PKNOX2: variants seen among roughly 807,000 people sequenced by gnomAD.
The protein encoded by PKNOX2 is PBX/knotted 1 homeobox 2.
In PKNOX2, 14 loss-of-function variants were observed where a neutral mutation model predicts 53.1. That is an observed-to-expected ratio of 0.26 (90% confidence interval 0.17 to 0.41). The LOEUF (loss-of-function observed/expected upper bound fraction) is 0.41. Ranked by LOEUF, PKNOX2 falls within the 10% of genes least tolerant of loss-of-function variation. The probability of loss-of-function intolerance (pLI) is 1.00; values close to 1 mark genes in which losing one functional copy is unlikely to be tolerated. For synonymous variants in PKNOX2, 257 were observed against 242.8 expected, an observed-to-expected ratio of 1.06 and a Z score of -0.54; for missense variants, 496 against 602.8, an observed-to-expected ratio of 0.82 and a Z score of 1.85.
At chr11:125,246,250 C>T (rs1052182029) in intron 2 of PKNOX2, among the ~76,000 whole-genome samples, 1 of 152,158 alleles carries the variant, frequency 6.6e-6, no homozygotes, top group Admixed American at 6.5e-5. Context: ...CATAACATGG[C>T]AGGAGGCATC....
chr11:125,369,441 T>C (rs1368270890), intron 5 of PKNOX2, among the ~76,000 whole-genome samples: 1 of 152,340 alleles, frequency 6.6e-6, no homozygotes, highest in Middle Eastern at 3.4e-3. Context: ...CCCTTCCCTC[T>C]TTACAGTCTC....
At chr11:125,171,911 A>G (rs1955350043) in intron 1 of PKNOX2, among the ~76,000 whole-genome samples, 1 of 152,226 alleles carries the variant, frequency 6.6e-6, no homozygotes, top group Admixed American at 6.5e-5. Context: ...CTGAGAGATG[A>G]TGGACAGAGA....
chr11:125,176,642 T>C (rs537681257), intron 1 of PKNOX2, among the ~76,000 whole-genome samples: 1 of 152,322 alleles, frequency 6.6e-6, no homozygotes, highest in South Asian at 2.1e-4. Flanking sequence ...TCTAGTCACC[T>C]TGGGCTGGCC....
At chr11:125,394,019 G>T (rs1300936810) in intron 6 of PKNOX2, among the ~76,000 whole-genome samples, 1 of 152,134 alleles carries the variant, frequency 6.6e-6, no homozygotes, top group African/African-American at 2.4e-5. Flanking sequence ...TTCTTCAAAT[G>T]CAAAATATGA....
intron 4 of PKNOX2, 135 bp downstream of exon 4, chr11:125,351,527 T>A: frequency 1.6e-6 from 1 of 632,674 alleles, no homozygotes; most frequent in Non-Finnish European, 2.8e-6. Context: ...CTGGTGGCAC[T>A]CCGGGCTCTT....
intron 2 of PKNOX2, among the ~76,000 whole-genome samples, chr11:125,273,398 C>T (rs754963217): frequency 1.3e-5 from 2 of 152,074 alleles, no homozygotes; most frequent in Admixed American, 6.6e-5. Flanking sequence ...GAAGGTGGAC[C>T]GAGGGGCAGG....
chr11:125,390,588 C>A, intron 6 of PKNOX2, among the ~76,000 whole-genome samples: 1 of 152,226 alleles, frequency 6.6e-6, no homozygotes, highest in African/African-American at 2.4e-5. Flanking sequence ...CCTAAAGCCC[C>A]GAGTGTCTTC....
rs943162507 is a variant in PKNOX2 at position 125,274,949 on chromosome 11, G to C, written c.-130+39834G>C. 3.9e-5 allele frequency among the ~76,000 whole-genome samples: 6 copies of C among 152,318 alleles called. No homozygotes were observed. In the East Asian group the frequency reaches 1.2e-3, roughly 29 times the overall value. ...AGAGATAAGTAAGACAGCACATCTA[G>C]CCATAAATCGCTTCCTTCAGGAAGG... On this transcript the variant is annotated intron_variant, in intron 2 of 12. Transcript: ENST00000298282.
chr11:125,222,818 T>C (rs1171129937), intron 1 of PKNOX2, among the ~76,000 whole-genome samples: 1 of 152,134 alleles, frequency 6.6e-6, no homozygotes, highest in African/African-American at 2.4e-5. Context: ...TGTATGTGTG[T>C]GTGTGTTGCA....
chr11:125,298,979 T>C (rs1052795381), intron 2 of PKNOX2, among the ~76,000 whole-genome samples: 3 of 152,050 alleles, frequency 2.0e-5, no homozygotes, highest in Non-Finnish European at 4.4e-5. Context: ...GGGTAATTTA[T>C]AAAGAAAGAG....
intron 2 of PKNOX2, among the ~76,000 whole-genome samples, chr11:125,329,361 T>C (rs1950013265): frequency 6.6e-6 from 1 of 152,260 alleles, no homozygotes; most frequent in African/African-American, 2.4e-5. Context: ...TTGTCTATTT[T>C]TTACAAGAAG....
At chr11:125,338,189 G>T (rs1950518457) in intron 3 of PKNOX2, among the ~76,000 whole-genome samples, 1 of 151,982 alleles carries the variant, frequency 6.6e-6, no homozygotes, top group Non-Finnish European at 1.5e-5. Context: ...TCACCTCCCT[G>T]TCTCCCTCTG....
intron 5 of PKNOX2, among the ~76,000 whole-genome samples, chr11:125,384,558 C>A (rs1953490550): frequency 6.6e-6 from 1 of 152,168 alleles, no homozygotes; most frequent in Non-Finnish European, 1.5e-5. Context: ...GTGGCGGAGG[C>A]CTGTAGTCCC....
chr11:125,192,194 A>G (rs928150550), intron 1 of PKNOX2, among the ~76,000 whole-genome samples: 1 of 151,974 alleles, frequency 6.6e-6, no homozygotes, highest in African/African-American at 2.4e-5. Flanking sequence ...GCTTTTTCTC[A>G]CCATAAACGT....
At chr11:125,221,103 C>A (rs943516321) in intron 1 of PKNOX2, among the ~76,000 whole-genome samples, 4 of 151,946 alleles carry the variant, frequency 2.6e-5, no homozygotes, top group Non-Finnish European at 4.4e-5. Context: ...TGCAGTGAGC[C>A]GAGATCGCGC....
At chr11:125,343,386 C>CT (rs71462895) in intron 3 of PKNOX2, among the ~76,000 whole-genome samples, 5,510 of 149,710 alleles carry the variant, frequency 0.037, 156 homozygotes, top group Middle Eastern at 0.08. Flanking sequence ...AGCCAGCATG[C>CT]TTTTTTTTTT....
At chr11:125,363,246 G>T (rs115524014) in intron 4 of PKNOX2, among the ~76,000 whole-genome samples, 2,525 of 152,332 alleles carry the variant, frequency 0.017, 70 homozygotes, top group African/African-American at 0.057. Context: ...CACGGGTGCA[G>T]GTGCTGGCAC....
At chr11:125,421,592 C>T (rs1232667677) in intron 10 of PKNOX2, among the ~76,000 whole-genome samples, 1 of 152,160 alleles carries the variant, frequency 6.6e-6, no homozygotes, top group Admixed American at 6.5e-5. Context: ...GAAATGCTAC[C>T]TATGATGAAT....
intron 2 of PKNOX2, among the ~76,000 whole-genome samples, chr11:125,291,196 T>C (rs746609157): frequency 2.0e-5 from 3 of 152,152 alleles, no homozygotes; most frequent in Non-Finnish European, 4.4e-5. Context: ...TTTCCTCGCA[T>C]GTAAAGTTGG....
Sources: gnomAD v4.1 joint callset for allele counts (sites outside exome capture counted in the v4.1 genomes callset) on GRCh38, gnomAD v4.1.1 for gene constraint, MANE v1.5 for transcripts, NCBI Gene and HGNC (gene_info 2026-07-23, HGNC 2026-07-21) for gene names.